The following CACNA1C variants were observed in gnomAD, a reference collection of about 807,000 sequenced individuals.
CACNA1C encodes the protein voltage-dependent L-type calcium channel subunit alpha-1C.
CACNA1C carries 30 observed loss-of-function variants against 229.0 expected under a neutral mutation model. That is an observed-to-expected ratio of 0.13 (90% CI 0.10 to 0.18). The LOEUF is 0.18. CACNA1C is among the 10% of genes least tolerant of loss of function. The pLI, the probability that CACNA1C is intolerant of heterozygous loss-of-function variation, is 1.00. For synonymous variants in CACNA1C, 1,114 were observed against 1,132.5 expected, an observed-to-expected ratio of 0.98 and a Z score of 0.33; for missense variants, 1,658 against 2,845.0, an observed-to-expected ratio of 0.58 and a Z score of 9.49.
intron 1 of CACNA1C, among the ~76,000 whole-genome samples, chr12:2,100,025 T>C (rs2075717773): frequency 1.3e-5 from 2 of 152,258 alleles, no homozygotes. Flanking sequence ...GGATCCATTC[T>C]GCCTGGTTTC....
At chr12:2,683,427 C>G (rs1429160189) in intron 43 of CACNA1C, among the ~76,000 whole-genome samples, 1 of 152,060 alleles carries the variant, frequency 6.6e-6, no homozygotes, top group South Asian at 2.1e-4. Context: ...AAGTTTGAGA[C>G]ACAGTGTTTC....
At chr12:2,106,735 A>C (rs2078926720) in intron 1 of CACNA1C, among the ~76,000 whole-genome samples, 1 of 122,630 alleles carries the variant, frequency 8.2e-6, no homozygotes, top group African/African-American at 3.2e-5. Context: ...GGCGTCCTGA[A>C]GCCACTGGGT....
intron 38 of CACNA1C, among the ~76,000 whole-genome samples, chr12:2,673,389 C>A (rs2096646392): frequency 6.6e-6 from 1 of 151,506 alleles, no homozygotes; most frequent in Non-Finnish European, 1.5e-5. Flanking sequence ...TCACTTGAAC[C>A]CAGGAGGTGG....
chr12:2,159,155 AT>A (rs1358671804), intron 3 of CACNA1C, among the ~76,000 whole-genome samples: 5 of 151,926 alleles, frequency 3.3e-5, no homozygotes, highest in Non-Finnish European at 7.4e-5. Context: ...AGAACTGTGG[AT>A]TTTTTTTCTT....
chr12:2,162,742 G>A (rs577534986), intron 3 of CACNA1C, among the ~76,000 whole-genome samples: 2 of 152,218 alleles, frequency 1.3e-5, no homozygotes, highest in African/African-American at 2.4e-5. Flanking sequence ...CTGGCCCATA[G>A]TGATGTTACC....
intron 3 of CACNA1C, among the ~76,000 whole-genome samples, chr12:2,351,696 T>G (rs766158463): frequency 6.6e-6 from 1 of 152,210 alleles, no homozygotes; most frequent in Admixed American, 6.5e-5. Context: ...GTGTCTGCCA[T>G]GCTGCAGAAG....
intron 9 of CACNA1C, among the ~76,000 whole-genome samples, chr12:2,540,634 A>G (rs2099867585): frequency 6.6e-6 from 1 of 152,188 alleles, no homozygotes. Context: ...TGACAAAGAC[A>G]GGGCAGGCTG....
upstream of CACNA1C, among the ~76,000 whole-genome samples, chr12:2,052,847 G>A (rs1268867050): frequency 1.5e-5 from 2 of 137,148 alleles, no homozygotes; most frequent in Non-Finnish European, 3.2e-5. Context: ...CCTGCGCGCC[G>A]CCGCAGCCAC....
At chr12:2,564,912 C>A (rs1161686609) in intron 11 of CACNA1C, among the ~76,000 whole-genome samples, 1 of 152,058 alleles carries the variant, frequency 6.6e-6, no homozygotes, top group African/African-American at 2.4e-5. Flanking sequence ...ATGTCCTTTC[C>A]CCCTCCCCAA....
intron 1 of CACNA1C, among the ~76,000 whole-genome samples, chr12:1,978,158 C>G (rs905918162): frequency 6.6e-6 from 1 of 152,160 alleles, no homozygotes; most frequent in Non-Finnish European, 1.5e-5. Flanking sequence ...GGGGAGAAAG[C>G]AGATGTCGCA....
In CACNA1C at chr12:2,312,534, G is replaced by T. The variant is rs140245930; in HGVS notation, c.478-136442G>T. On this transcript the variant is annotated intron_variant, in intron 3 of 46. Transcript: ENST00000399655. The stretch of plus-strand genomic sequence containing the variant: ...ACTTTGAAAATACTCTTTGTGTCCC[G>T]CCAGAACCTCCTCCTCTTCTCTTCA... 3.3e-5 allele frequency among the ~76,000 whole-genome samples: 5 copies of T among 152,068 alleles called. 1 individual carries two copies. In the South Asian group the frequency reaches 1.0e-3, roughly 32 times the overall value.
intron 3 of CACNA1C, among the ~76,000 whole-genome samples, chr12:2,203,357 G>T (rs975826591): frequency 6.6e-6 from 1 of 152,158 alleles, no homozygotes; most frequent in Non-Finnish European, 1.5e-5. Context: ...GGGACTGTTC[G>T]TTGTTAGGGG....
chr12:2,192,211 A>G (rs1375742749), intron 3 of CACNA1C, among the ~76,000 whole-genome samples: 1 of 152,160 alleles, frequency 6.6e-6, no homozygotes, highest in Non-Finnish European at 1.5e-5. Context: ...AATATCTGAA[A>G]CTTCTGTGCT....
intron 3 of CACNA1C, among the ~76,000 whole-genome samples, chr12:2,192,528 G>A (rs1184578596): frequency 6.6e-6 from 1 of 152,266 alleles, no homozygotes; most frequent in Admixed American, 6.5e-5. Context: ...TGCTTTGAAG[G>A]ATGTCACTGT....
At chr12:2,022,729 G>A (rs1015523725) in intron 1 of CACNA1C, among the ~76,000 whole-genome samples, 3 of 152,150 alleles carry the variant, frequency 2.0e-5, no homozygotes, top group Non-Finnish European at 4.4e-5. Flanking sequence ...ACAGGCATGA[G>A]CCACGTCACC....
intron 2 of CACNA1C, 27 bp from the exon 3 acceptor site, chr12:2,120,298 A>G: frequency 3.8e-6 from 4 of 1,056,092 alleles, no homozygotes; most frequent in Non-Finnish European, 6.0e-6. Context: ...TTTCTGTGGC[A>G]TTAACTTCCT....
At chr12:2,656,097 G>C (rs1227575603) in intron 34 of CACNA1C, among the ~76,000 whole-genome samples, 2 of 152,174 alleles carry the variant, frequency 1.3e-5, no homozygotes. Flanking sequence ...GTCCTAGCCA[G>C]AGCAATTAAG....
chr12:2,612,077 G>C (rs2078100135), intron 29 of CACNA1C, 64 bp downstream of exon 29: 1 of 987,838 alleles, frequency 1.0e-6, no homozygotes, highest in Non-Finnish European at 1.6e-6. Context: ...GGGAGGTGGG[G>C]TGCAGGTATT....
chr12:2,026,928 A>T (rs886994151), intron 1 of CACNA1C, among the ~76,000 whole-genome samples: 19 of 152,226 alleles, frequency 1.2e-4, no homozygotes, highest in African/African-American at 4.6e-4. Context: ...TTATGTTTTA[A>T]AAGAACTAAA....
Sources: allele counts gnomAD v4.1 joint callset (sites outside exome capture counted in the v4.1 genomes callset), GRCh38; gene constraint gnomAD v4.1.1; transcripts MANE v1.5; gene names NCBI Gene and HGNC (gene_info 2026-07-23, HGNC 2026-07-21).